CMIP: variants seen among roughly 807,000 people sequenced by gnomAD.
CMIP encodes the protein c-Maf inducing protein.
In CMIP, 13 loss-of-function variants were observed where a neutral mutation model predicts 97.3. The observed-to-expected ratio is 0.13, with a 90% confidence interval of 0.09 to 0.21. CMIP has a LOEUF of 0.21. CMIP is among the 10% of genes least tolerant of loss of function. CMIP has a pLI of 1.00. For synonymous variants in CMIP, 538 were observed against 436.3 expected, an observed-to-expected ratio of 1.23 and a Z score of -2.91; for missense variants, 847 against 1,024.9, an observed-to-expected ratio of 0.83 and a Z score of 2.37.
rs115872755 is a variant in CMIP, at chr16:81,463,152, A to G, written c.300+17611A>G. 7.3e-3 allele frequency among the ~76,000 whole-genome samples: 1,117 copies of G among 152,270 alleles called. 15 individuals carry two copies. The highest frequency in any genetic ancestry group is 0.025 in the African/African-American group (1,057 of 41,544). On this transcript the variant is annotated intron_variant, in intron 1 of 20. Coordinates refer to ENST00000537098, the MANE Select transcript of CMIP (RefSeq NM_198390.3). ...GATACCAAGGACTTCACCTTCAGCA[A>G]TGGTAAGCAAGCACCACTAAGAGAA...
intron 1 of CMIP, among the ~76,000 whole-genome samples, chr16:81,599,925 A>C (rs1395884854): frequency 4.6e-5 from 7 of 152,102 alleles, no homozygotes; most frequent in African/African-American, 1.4e-4. Context: ...GAATGTCCAT[A>C]TGGGTGGGGT....
intron 1 of CMIP, among the ~76,000 whole-genome samples, chr16:81,534,253 C>T (rs574075157): frequency 6.6e-6 from 1 of 152,326 alleles, no homozygotes; most frequent in African/African-American, 2.4e-5. Context: ...TGCCCAGTGG[C>T]CCTCAGTCAG....
At chr16:81,664,559 T>C (rs2092582743) in intron 7 of CMIP, 1 of 579,448 alleles carries the variant, frequency 1.7e-6, no homozygotes, top group Non-Finnish European at 3.1e-6. Flanking sequence ...CTTTTTGCAG[T>C]TCCTAAGAAT....
At chr16:81,572,594 G>A (rs1297457580) in intron 1 of CMIP, among the ~76,000 whole-genome samples, 1 of 152,180 alleles carries the variant, frequency 6.6e-6, no homozygotes, top group Admixed American at 6.5e-5. Flanking sequence ...TACAGACGGG[G>A]AGACTGGGGC....
At chr16:81,703,858 G>T in intron 17 of CMIP, 81 bp from the exon 18 acceptor site, 1 of 1,495,770 alleles carries the variant, frequency 6.7e-7, no homozygotes, top group Admixed American at 2.0e-5. Flanking sequence ...GAGGGGAGAG[G>T]AGGAGGATAG....
At chr16:81,635,038 T>C (rs2092216753) in intron 3 of CMIP, among the ~76,000 whole-genome samples, 1 of 152,152 alleles carries the variant, frequency 6.6e-6, no homozygotes, top group African/African-American at 2.4e-5. Flanking sequence ...GCTAGGAAAC[T>C]CGCCTGGGGC....
At chr16:81,649,194 C>T (rs925163699) in intron 3 of CMIP, among the ~76,000 whole-genome samples, 1 of 152,238 alleles carries the variant, frequency 6.6e-6, no homozygotes, top group Non-Finnish European at 1.5e-5. Flanking sequence ...AAATTTTAGC[C>T]CTTGGTACAA....
At chr16:81,545,152 G>A (rs2150845589) in intron 1 of CMIP, among the ~76,000 whole-genome samples, 1 of 152,222 alleles carries the variant, frequency 6.6e-6, no homozygotes, top group Middle Eastern at 3.4e-3. Context: ...TCATACTGGT[G>A]CGAAACTCTC....
chr16:81,710,455 G>GTAC lies in CMIP; in HGVS notation c.*658_*660dup, dbSNP rs1170178206. On this transcript the variant is annotated 3_prime_UTR_variant, in exon 21 of 21. Coordinates refer to ENST00000537098, the MANE Select transcript of CMIP (RefSeq NM_198390.3). ...CCCTCCCGCCCCCACCTGGCGTGTA[G>GTAC]TACTGTATAAACCAGTCAGCTGTCG... 1 of 139,312 alleles carries GTAC rather than the reference G, an allele frequency of 7.2e-6. No individual in the cohort carries two copies. The highest frequency in any genetic ancestry group is 2.1e-4 in the East Asian group (1 of 4,790). 8.6% of individuals were successfully genotyped at this position (139,312 alleles called of 1,614,324 possible). A position where few individuals can be genotyped will look rare whatever the true frequency, so the allele number is the denominator to read the frequency against.
At chr16:81,549,496 A>G (rs1430884054) in intron 1 of CMIP, among the ~76,000 whole-genome samples, 1 of 151,976 alleles carries the variant, frequency 6.6e-6, no homozygotes, top group Non-Finnish European at 1.5e-5. Flanking sequence ...TGCCCCAGGA[A>G]ACTGTCCCAT....
intron 1 of CMIP, among the ~76,000 whole-genome samples, chr16:81,454,740 T>C (rs1195337902): frequency 2.6e-5 from 4 of 152,218 alleles, no homozygotes; most frequent in Non-Finnish European, 5.9e-5. Flanking sequence ...TGATACACCA[T>C]TGAACAAAGC....
intron 9 of CMIP, 70 bp from the exon 10 acceptor site, chr16:81,678,205 A>G (rs1815695444): frequency 2.5e-6 from 3 of 1,203,270 alleles, no homozygotes; most frequent in Non-Finnish European, 3.4e-6. Flanking sequence ...GGAGGCCTTT[A>G]GTCTGATGGG....
chr16:81,481,249 G>C (rs1216101610), intron 1 of CMIP, among the ~76,000 whole-genome samples: 1 of 152,230 alleles, frequency 6.6e-6, no homozygotes, highest in African/African-American at 2.4e-5. Flanking sequence ...TGGTCTGGCA[G>C]GTGGTACGGA....
rs139464450 is a variant in CMIP at position 81,642,957 on chromosome 16, G to C, written c.478-9246G>C. Among the ~76,000 whole-genome samples the C allele has an allele frequency of 9.2e-5, 14 of 152,334 alleles. No homozygotes were observed. The East Asian group carries it at 2.5e-3, about 27-fold the overall frequency. On this transcript the variant is annotated intron_variant, in intron 3 of 20. Coordinates refer to ENST00000537098, the MANE Select transcript of CMIP (RefSeq NM_198390.3). The stretch of plus-strand genomic sequence containing the variant: ...TGCAGTGGACTGTTAGTCATGGAAG[G>C]GGGTGAAGCAAAGCTGCCACAGCCG...
At chr16:81,674,570 G>A (rs541356278) in intron 9 of CMIP, among the ~76,000 whole-genome samples, 1 of 152,308 alleles carries the variant, frequency 6.6e-6, no homozygotes, top group South Asian at 2.1e-4. Flanking sequence ...CAAAGAAATT[G>A]GTAAACACTG....
Position 81,671,217 on chromosome 16 carries a change from G to A in CMIP, c.930-749G>A, listed in dbSNP as rs990509444. Among the ~76,000 whole-genome samples, 5 of 152,168 alleles carry A rather than the reference G, an allele frequency of 3.3e-5. No homozygotes were observed. The South Asian group carries it at 8.3e-4, about 25-fold the overall frequency. On this transcript the variant is annotated intron_variant, in intron 8 of 20. Coordinates refer to ENST00000537098, the MANE Select transcript of CMIP (RefSeq NM_198390.3). ...CTAAATATGCCCACTTGGAACTCAC[G>A]AAGTCGTTTGAGGTTGGCTTTGTGA...
chr16:81,462,504 TA>T (rs200513793), intron 1 of CMIP, among the ~76,000 whole-genome samples: 28,727 of 148,924 alleles, frequency 0.19, 2,820 homozygotes, highest in East Asian at 0.3. Flanking sequence ...ATGTAAGTGA[TA>T]AAAAAAAAAA....
At chr16:81,490,559 G>A (rs192469927) in intron 1 of CMIP, among the ~76,000 whole-genome samples, 1 of 152,336 alleles carries the variant, frequency 6.6e-6, no homozygotes, top group East Asian at 1.9e-4. Context: ...GGTGGAGGTT[G>A]CAGTGAGCCG....
intron 1 of CMIP, among the ~76,000 whole-genome samples, chr16:81,554,839 A>C (rs1219533105): frequency 3.9e-5 from 6 of 152,192 alleles, no homozygotes; most frequent in African/African-American, 2.4e-5. Context: ...TCTGCTAGGA[A>C]CTAACAGGCC....
Sources: allele counts gnomAD v4.1 joint callset (sites outside exome capture counted in the v4.1 genomes callset), GRCh38; gene constraint gnomAD v4.1.1; transcripts MANE v1.5; gene names NCBI Gene and HGNC (gene_info 2026-07-23, HGNC 2026-07-21).